The following HACE1 variants were observed in gnomAD, a reference collection of about 807,000 sequenced individuals.
HACE1 encodes the protein E3 ubiquitin-protein ligase HACE1.
In HACE1, 73 loss-of-function variants were observed where a neutral mutation model predicts 118.4. That is an observed-to-expected ratio of 0.62 (90% CI 0.51 to 0.75). The LOEUF (loss-of-function observed/expected upper bound fraction) is 0.75. Ranked by LOEUF, HACE1 falls within the 30% of genes least tolerant of loss-of-function variation. HACE1 has a pLI of 0.00. For synonymous variants in HACE1, 368 were observed against 374.8 expected (o/e 0.98, Z 0.21); for missense variants, 749 against 1,102.2 (o/e 0.68, Z 4.54).
chr6:104,785,943 C>T (rs1054567438), intron 11 of HACE1: 1 of 152,350 alleles, frequency 6.6e-6, no homozygotes, highest in Non-Finnish European at 1.5e-5. Flanking sequence ...CAAAATGTGG[C>T]ATATTTATGT....
At chr6:104,735,842 T>C (rs1041702228) in intron 22 of HACE1, among the ~76,000 whole-genome samples, 19 of 152,210 alleles carry the variant, frequency 1.2e-4, no homozygotes, top group African/African-American at 4.1e-4. Flanking sequence ...ATATTCCTTA[T>C]TCATAAATAG....
At chr6:104,850,325 T>C (rs1168847997) in intron 3 of HACE1, among the ~76,000 whole-genome samples, 1 of 152,200 alleles carries the variant, frequency 6.6e-6, no homozygotes, top group South Asian at 2.1e-4. Flanking sequence ...ACTTTCAAGA[T>C]GGTCCATTCT....
intron 11 of HACE1, among the ~76,000 whole-genome samples, chr6:104,791,276 C>T (rs1382800272): frequency 2.0e-5 from 3 of 152,002 alleles, no homozygotes; most frequent in African/African-American, 7.2e-5. Flanking sequence ...TAGAATAAAA[C>T]ACCAATGGAA....
rs1042082315 is a variant in HACE1 at position 104,729,353 on chromosome 6, T to C, written c.*309A>G. ...ACAGTTACATAGCAGAGGTGGAATG[T>C]AGAATCAGATTTTGCCTTAATACAA... On this transcript the variant is annotated 3_prime_UTR_variant, in exon 24 of 24. Transcript: ENST00000262903. 2 of 331,860 alleles carry C rather than the reference T, an allele frequency of 6.0e-6. No homozygotes were observed. Among genetic ancestry groups the C allele is most frequent in the South Asian group, 3.3e-5 (1 of 30,624 alleles). 20.6% of individuals were successfully genotyped at this position (331,860 alleles called of 1,614,324 possible).
intron 1 of HACE1, 77 bp downstream of exon 1, chr6:104,859,490 C>T: frequency 9.1e-7 from 1 of 1,100,930 alleles, no homozygotes; most frequent in South Asian, 1.6e-5. Context: ...TTCCACCCGA[C>T]CTTGACGCGG....
intron 1 of HACE1, among the ~76,000 whole-genome samples, chr6:104,856,730 C>T (rs1242018277): frequency 6.6e-6 from 1 of 152,136 alleles, no homozygotes; most frequent in Non-Finnish European, 1.5e-5. Context: ...CCACTGCGCC[C>T]GGCCTCCAAC....
chr6:104,738,255 G>A (rs1776168404), intron 22 of HACE1, among the ~76,000 whole-genome samples: 1 of 152,240 alleles, frequency 6.6e-6, no homozygotes, highest in African/African-American at 2.4e-5. Context: ...CTAAAAAGCA[G>A]AGTGCCTCTC....
rs1180482210 is a variant in HACE1, at chr6:104,859,582, C to T, written c.61G>A (p.Val21Met). 2 of 1,526,878 alleles carry T rather than the reference C, an allele frequency of 1.3e-6. No individual in the cohort carries two copies. The allele number at this position is 1,526,878 out of a possible 1,614,324, so 94.6% of individuals were successfully genotyped here. Residue 21 changes from valine to methionine, a missense_variant, in exon 1 of 24, where the codon GTG (valine) becomes ATG (methionine). Val to Met is a conservative substitution (Grantham distance 21). Around this residue, in one of 5 missense-constraint regions of HACE1, gnomAD observed 120 missense variants for 219.1 expected, o/e 0.55. Transcript: ENST00000262903. Reference sequence around the variant, plus strand: ...CCCGGCTCACCCTCGGGCAACTCCACGGTGCGCGCGCGGCGCAGCGAGCGC... The same window carrying T: ...CCCGGCTCACCCTCGGGCAACTCCATGGTGCGCGCGCGGCGCAGCGAGCGC... ...LTRSLRRARTVELPEDNETAV... is the reference protein window; with the variant it reads ...LTRSLRRARTMELPEDNETAV...
Position 104,728,862 on chromosome 6 carries a change from C to T in HACE1, c.*800G>A, listed in dbSNP as rs907361376. 5 of 152,418 alleles carry T rather than the reference C, an allele frequency of 3.3e-5. No homozygotes were observed. The highest frequency in any genetic ancestry group is 1.3e-4 in the Admixed American group (2 of 15,262). The allele number at this position is 152,418 out of a possible 1,614,324, so 9.4% of individuals were successfully genotyped here. On this transcript the variant is annotated 3_prime_UTR_variant, in exon 24 of 24. Coordinates refer to ENST00000262903, the MANE Select transcript of HACE1 (RefSeq NM_020771.4). ...TAACATATTTAAATTATAATTTGCA[C>T]ATCAGATTACTTTTTCAGATGTGTC...
At chr6:104,836,981 A>G (rs749030886) in intron 5 of HACE1, among the ~76,000 whole-genome samples, 2 of 152,212 alleles carry the variant, frequency 1.3e-5, no homozygotes, top group Non-Finnish European at 2.9e-5. Context: ...CAAAATTCTA[A>G]TGAATAAAAT....
intron 19 of HACE1, among the ~76,000 whole-genome samples, chr6:104,770,014 A>G (rs1780441731): frequency 6.6e-6 from 1 of 152,196 alleles, no homozygotes; most frequent in Non-Finnish European, 1.5e-5. Context: ...AATGCTAATA[A>G]CAATTCTGTA....
intron 22 of HACE1, among the ~76,000 whole-genome samples, chr6:104,737,440 G>A (rs965105776): frequency 6.6e-6 from 1 of 152,136 alleles, no homozygotes; most frequent in Non-Finnish European, 1.5e-5. Context: ...TTAGGGAGTG[G>A]CAGACAGTGG....
intron 6 of HACE1, among the ~76,000 whole-genome samples, chr6:104,826,806 T>G (rs1773385104): frequency 6.6e-6 from 1 of 152,170 alleles, no homozygotes; most frequent in Non-Finnish European, 1.5e-5. Flanking sequence ...TTAAAAAAAT[T>G]TAGAATTGCA....
chr6:104,819,483 C>T (rs560638805), intron 6 of HACE1, among the ~76,000 whole-genome samples: 69 of 152,222 alleles, frequency 4.5e-4, no homozygotes, highest in Non-Finnish European at 8.7e-4. Context: ...TATATAGATT[C>T]AATGCTATTC....
chr6:104,774,007 C>T (rs2114725746), intron 17 of HACE1, among the ~76,000 whole-genome samples: 2 of 151,536 alleles, frequency 1.3e-5, no homozygotes, highest in Middle Eastern at 6.8e-3. Flanking sequence ...ATGCCAGGCA[C>T]CAACTAAGCA....
chr6:104,757,372 G>T (rs1778840925), intron 19 of HACE1, among the ~76,000 whole-genome samples: 1 of 152,170 alleles, frequency 6.6e-6, no homozygotes, highest in African/African-American at 2.4e-5. Flanking sequence ...TTGCTGTTCT[G>T]CAGCCTCCGC....
chr6:104,827,014 A>C (rs1773406139), intron 6 of HACE1, among the ~76,000 whole-genome samples: 1 of 152,166 alleles, frequency 6.6e-6, no homozygotes, highest in Non-Finnish European at 1.5e-5. Context: ...ATTTCAACAG[A>C]CTTCATAACC....
At chr6:104,791,266 T>C (rs1445096015) in intron 11 of HACE1, among the ~76,000 whole-genome samples, 1 of 152,162 alleles carries the variant, frequency 6.6e-6, no homozygotes, top group African/African-American at 2.4e-5. Context: ...TCTCTACCCT[T>C]AGAATAAAAC....
intron 19 of HACE1, among the ~76,000 whole-genome samples, chr6:104,769,773 T>G (rs1271719018): frequency 1.3e-5 from 2 of 152,142 alleles, no homozygotes; most frequent in Admixed American, 1.3e-4. Flanking sequence ...AATGAGAGGG[T>G]AGAATTTAAA....
Sources: gnomAD v4.1 joint callset for allele counts (sites outside exome capture counted in the v4.1 genomes callset) on GRCh38, gnomAD v4.1.1 for gene constraint, gnomAD v4.1.1 regional missense constraint, MANE v1.5 for transcripts, NCBI Gene and HGNC (gene_info 2026-07-23, HGNC 2026-07-21) for gene names.